TRPV1: variants seen among roughly 807,000 people sequenced by gnomAD.
TRPV1 encodes OTRPC1.
Under a neutral mutation model 82.3 loss-of-function variants are expected in TRPV1, and 82 were observed. That is an observed-to-expected ratio of 1.00 (90% CI 0.83 to 1.20). TRPV1 has a LOEUF of 1.20. Ranked by LOEUF, TRPV1 falls within the 50% of genes most tolerant of loss-of-function variation. The pLI is 0.00. For missense variants in TRPV1, 1,067 were observed against 1,096.8 expected, an observed-to-expected ratio of 0.97 and a Z score of 0.38; for synonymous variants, 515 against 467.7, an observed-to-expected ratio of 1.10 and a Z score of -1.30.
chr17:3,598,967 G>A (rs933521930), intron 2 of TRPV1, among the ~76,000 whole-genome samples: 11 of 151,106 alleles, frequency 7.3e-5, no homozygotes, highest in African/African-American at 7.3e-5. Context: ...GGCCGGGCGC[G>A]GTGGCTCATG....
intron 14 of TRPV1, 95 bp from the exon 15 acceptor site, chr17:3,572,344 C>T (rs2074866234): frequency 6.8e-7 from 1 of 1,465,120 alleles, no homozygotes; most frequent in Non-Finnish European, 9.2e-7. Flanking sequence ...AGGGGCTCTC[C>T]CAGGCCTAGA....
chr17:3,573,332 T>C (rs1240824285), intron 14 of TRPV1, among the ~76,000 whole-genome samples: 1 of 152,040 alleles, frequency 6.6e-6, no homozygotes. Context: ...GCACGGTGTC[T>C]ATAAACACCA....
chr17:3,590,410 G>A lies in TRPV1; in HGVS notation c.605-18C>T, dbSNP rs200480880. The A allele has an allele frequency of 2.4e-5, 38 of 1,610,012 alleles. No homozygotes were observed. The Admixed American group carries it at 3.5e-4, about 15-fold the overall frequency. Reference sequence around the variant, plus strand: ...TGTCTGGCCTACAGAGGACGCGCACGGTTGGCTTCGTGGTCACGGTCCTGT... The same window carrying A: ...TGTCTGGCCTACAGAGGACGCGCACAGTTGGCTTCGTGGTCACGGTCCTGT... On this transcript the variant is annotated intron_variant, in intron 5 of 16. Coordinates refer to ENST00000572705, the MANE Select transcript of TRPV1 (RefSeq NM_080704.4).
intron 11 of TRPV1, among the ~76,000 whole-genome samples, chr17:3,579,621 G>A (rs1301925377): frequency 6.6e-6 from 1 of 152,134 alleles, no homozygotes; most frequent in Non-Finnish European, 1.5e-5. Flanking sequence ...GATTACAGGT[G>A]CGTGCCACCA....
chr17:3,572,069 C>G, intron 15 of TRPV1, 53 bp downstream of exon 15: 1 of 1,594,668 alleles, frequency 6.3e-7, no homozygotes, highest in Non-Finnish European at 8.6e-7. Flanking sequence ...TCTGTGTCCA[C>G]AGGTGAGCCC....
At position 3,585,763 on chromosome 17, in the gene TRPV1, C is replaced by T. The variant is rs766428684; in HGVS notation, c.1383+5G>A. On this transcript the variant is annotated splice_donor_5th_base_variant and intron_variant, in intron 9 of 16. Coordinates refer to ENST00000572705, the MANE Select transcript of TRPV1 (RefSeq NM_080704.4). ...CGCCCACGAGGCCTGAGCCTCTGGC[C>T]GCACCAAGCCATCCACGGGCCTGTA... 1.3e-5 allele frequency: 21 copies of T among 1,611,936 alleles called. No homozygotes were observed. Among genetic ancestry groups the T allele is most frequent in the South Asian group, 4.4e-5 (4 of 90,754 alleles).
At chr17:3,574,670 C>G (rs910543565) in intron 13 of TRPV1, among the ~76,000 whole-genome samples, 4 of 152,100 alleles carry the variant, frequency 2.6e-5, no homozygotes, top group Non-Finnish European at 5.9e-5. Context: ...ATGTGGAGGC[C>G]GGGCATGGTG....
At position 3,577,211 on chromosome 17, in the gene TRPV1, T is replaced by C; in HGVS notation, c.1714-19A>G. 6.4e-7 allele frequency: 1 copy of C among 1,570,470 alleles called. No homozygotes were observed. Among genetic ancestry groups the C allele is most frequent in the Non-Finnish European group, 8.6e-7 (1 of 1,158,256 alleles). Reference sequence around the variant, plus strand: ...GGATCATCTGCAGGAGACAGCAGGCTCATCAGAGCCGAGGCCAGGCCCAGG... The same window carrying C: ...GGATCATCTGCAGGAGACAGCAGGCCCATCAGAGCCGAGGCCAGGCCCAGG... On this transcript the variant is annotated intron_variant, in intron 12 of 16. Transcript: ENST00000572705.
intron 2 of TRPV1, among the ~76,000 whole-genome samples, chr17:3,597,732 G>A (rs1319522384): frequency 2.1e-5 from 3 of 141,070 alleles, no homozygotes; most frequent in Non-Finnish European, 3.0e-5. Flanking sequence ...GGAGTGCAAT[G>A]GCGCGATCTC....
intron 2 of TRPV1, among the ~76,000 whole-genome samples, chr17:3,598,022 G>A (rs1328918070): frequency 6.6e-6 from 1 of 152,196 alleles, no homozygotes; most frequent in Admixed American, 6.5e-5. Flanking sequence ...ATGCACAGGA[G>A]AGAAGACCCA....
chr17:3,580,017 G>C (rs950502448), intron 11 of TRPV1, among the ~76,000 whole-genome samples: 5 of 136,654 alleles, frequency 3.7e-5, no homozygotes, highest in Non-Finnish European at 8.3e-5. Flanking sequence ...ACGATGCACA[G>C]GGCAGCCCCC....
intron 2 of TRPV1, among the ~76,000 whole-genome samples, chr17:3,594,827 C>G (rs979750062): frequency 1.3e-5 from 2 of 152,032 alleles, no homozygotes; most frequent in Non-Finnish European, 2.9e-5. Flanking sequence ...AAGAGGGGTC[C>G]ATGGCAGTTG....
At chr17:3,589,716 A>G in intron 7 of TRPV1, 91 bp downstream of exon 7, 1 of 1,436,122 alleles carries the variant, frequency 7.0e-7, no homozygotes, top group Non-Finnish European at 9.4e-7. Context: ...ACACACAGAT[A>G]GCGACGCCAG....
At chr17:3,568,135 A>G (rs1352778527) in intron 16 of TRPV1, among the ~76,000 whole-genome samples, 2 of 152,110 alleles carry the variant, frequency 1.3e-5, no homozygotes, top group African/African-American at 2.4e-5. Flanking sequence ...ATCCTGGCTA[A>G]CATGGTGAAA....
In TRPV1 at chr17:3,603,474, C is replaced by G. The variant is rs377481406; in HGVS notation, c.-34+4953G>C. Among the ~76,000 whole-genome samples, 32 of 152,306 alleles carry G rather than the reference C, an allele frequency of 2.1e-4. No individual in the cohort carries two copies. The East Asian group carries it at 6.2e-3, about 29-fold the overall frequency. The stretch of plus-strand genomic sequence containing the variant: ...GTGCTAGATGCCGGCTGTATGGACT[C>G]CGGCTGGTAGCTGAACCTCTGGGTC... On this transcript the variant is annotated intron_variant, in intron 2 of 16. Transcript: ENST00000572705.
chr17:3,574,755 C>T (rs935173311), intron 13 of TRPV1, among the ~76,000 whole-genome samples: 3 of 151,904 alleles, frequency 2.0e-5, no homozygotes, highest in Non-Finnish European at 4.4e-5. Context: ...TTGAGACCAG[C>T]CTGGCCAACA....
At chr17:3,573,532 G>GGCCCCCCCCCCCCCCCCC in intron 14 of TRPV1, 101 bp downstream of exon 14, 1 of 257,076 alleles carries the variant, frequency 3.9e-6, no homozygotes, top group South Asian at 3.0e-5. Flanking sequence ...GCCACACACC[G>GGCCCCCCCCCCCCCCCCC]CCCCCACCAC....
rs222748 is a variant in TRPV1, at chr17:3,591,067, G to A, written c.501C>T (p.His167=). The A allele has an allele frequency of 0.12, 197,683 of 1,612,620 alleles. 13,651 individuals carry two copies. Among genetic ancestry groups the A allele is most frequent in the East Asian group, 0.26 (11,802 of 44,820 alleles). Residue 167 remains histidine, a synonymous_variant, in exon 5 of 17, where the codon CAC becomes CAT. Transcript: ENST00000572705. The stretch of plus-strand genomic sequence containing the variant: ...GGGGGATGGTGGTGTTCTGTCCGTC[G>A]TGCAGGTTGAGCATGGCTTTCAGCA... ...TCLLKAMLNL[H]DGQNTTIPLL...
At chr17:3,588,102 G>A (rs1351036153) in intron 8 of TRPV1, 86 bp downstream of exon 8, 3 of 1,461,968 alleles carry the variant, frequency 2.1e-6, no homozygotes, top group East Asian at 2.5e-5. Context: ...CTCCTGAGAA[G>A]CCAGCTGGAG....
Sources: gnomAD v4.1 joint callset for allele counts (sites outside exome capture counted in the v4.1 genomes callset) on GRCh38, gnomAD v4.1.1 for gene constraint, MANE v1.5 for transcripts, NCBI Gene and HGNC (gene_info 2026-07-23, HGNC 2026-07-21) for gene names.